TUSC3: variants seen among roughly 807,000 people sequenced by gnomAD.
The protein encoded by TUSC3 is dolichyl-diphosphooligosaccharide--protein glycosyltransferase subunit TUSC3.
TUSC3 carries 45 observed loss-of-function variants against 44.8 expected under a neutral mutation model. The observed-to-expected ratio is 1.00, with a 90% CI of 0.79 to 1.29. TUSC3 has a LOEUF of 1.29. Among genes scored for constraint, TUSC3 ranks in the 50% most tolerant of loss-of-function variants. The pLI is 0.00. For missense variants in TUSC3, 519 were observed against 437.9 expected (o/e 1.19, Z -1.65); for synonymous variants, 212 against 152.9 (o/e 1.39, Z -2.85).
intron 1 of TUSC3, among the ~76,000 whole-genome samples, chr8:15,420,188 A>G (rs1055024475): frequency 6.6e-6 from 1 of 152,102 alleles, no homozygotes. Context: ...GCTTTTATAA[A>G]GGTCACATTA....
At chr8:15,518,432 C>G (rs890397717) in intron 2 of TUSC3, among the ~76,000 whole-genome samples, 11 of 152,102 alleles carry the variant, frequency 7.2e-5, no homozygotes, top group Middle Eastern at 3.4e-3. Flanking sequence ...GTTATCAAGG[C>G]CTTCTCAAAT....
At chr8:15,725,904 C>T (rs1198438593) in intron 6 of TUSC3, among the ~76,000 whole-genome samples, 3 of 152,082 alleles carry the variant, frequency 2.0e-5, no homozygotes, top group Non-Finnish European at 4.4e-5. Context: ...GCCCAAATTA[C>T]TGAACTGATT....
chr8:15,438,383 A>G (rs140036073), intron 1 of TUSC3, among the ~76,000 whole-genome samples: 80 of 152,344 alleles, frequency 5.3e-4, no homozygotes, highest in African/African-American at 1.9e-3. Context: ...GGCGTGAGCC[A>G]CCGCGCCCAG....
chr8:15,441,280 G>A (rs1022925870), intron 1 of TUSC3, among the ~76,000 whole-genome samples: 1 of 152,092 alleles, frequency 6.6e-6, no homozygotes, highest in African/African-American at 2.4e-5. Context: ...GGTGGCACGT[G>A]GCTGTAATCC....
At chr8:15,679,619 T>C (rs920084230) in intron 6 of TUSC3, among the ~76,000 whole-genome samples, 8 of 152,178 alleles carry the variant, frequency 5.3e-5, no homozygotes, top group Non-Finnish European at 1.0e-4. Flanking sequence ...TTGTCAATTT[T>C]TGTTTTATTT....
intron 1 of TUSC3, among the ~76,000 whole-genome samples, chr8:15,592,363 C>T (rs1017370788): frequency 1.3e-5 from 2 of 152,042 alleles, no homozygotes; most frequent in African/African-American, 2.4e-5. Context: ...GATATTTGTC[C>T]GCTCCAAATC....
chr8:15,443,848 C>T (rs899457970), intron 1 of TUSC3, among the ~76,000 whole-genome samples: 1 of 152,152 alleles, frequency 6.6e-6, no homozygotes, highest in Admixed American at 6.5e-5. Flanking sequence ...TGGCACCACC[C>T]AGACGGATAA....
At chr8:15,503,354 G>A (rs1366280415) in intron 2 of TUSC3, among the ~76,000 whole-genome samples, 11 of 152,028 alleles carry the variant, frequency 7.2e-5, no homozygotes, top group Admixed American at 6.6e-4. Flanking sequence ...ATAAATTCTT[G>A]TTTGAGCCAC....
intron 6 of TUSC3, among the ~76,000 whole-genome samples, chr8:15,683,989 G>A (rs1808522073): frequency 1.3e-5 from 2 of 152,082 alleles, no homozygotes; most frequent in African/African-American, 4.8e-5. Context: ...TTGTTTGGTG[G>A]TGTAATTCAG....
chr8:15,618,493 A>G (rs1040524970), intron 1 of TUSC3, among the ~76,000 whole-genome samples: 5 of 152,178 alleles, frequency 3.3e-5, no homozygotes, highest in African/African-American at 1.2e-4. Flanking sequence ...GGTCAGGATT[A>G]TCAATATCAC....
intron 1 of TUSC3, among the ~76,000 whole-genome samples, chr8:15,603,088 G>A (rs1187393160): frequency 6.6e-6 from 1 of 151,454 alleles, no homozygotes; most frequent in East Asian, 1.9e-4. Flanking sequence ...GATATGTCAA[G>A]TCCTAGACAG....
chr8:15,664,571 C>G (rs1363757913), intron 5 of TUSC3, among the ~76,000 whole-genome samples: 1 of 149,252 alleles, frequency 6.7e-6, no homozygotes, highest in African/African-American at 2.4e-5. Context: ...TGCCTGCTCC[C>G]CAATCACAGC....
intron 1 of TUSC3, among the ~76,000 whole-genome samples, chr8:15,545,749 A>C (rs1218357782): frequency 1.3e-5 from 2 of 151,584 alleles, no homozygotes; most frequent in Non-Finnish European, 2.9e-5. Flanking sequence ...CTAAAGAGTA[A>C]TCAACTCTTA....
intron 1 of TUSC3, among the ~76,000 whole-genome samples, chr8:15,547,811 C>T (rs1401352769): frequency 6.6e-6 from 1 of 151,404 alleles, no homozygotes; most frequent in Non-Finnish European, 1.5e-5. Context: ...ATTATGGGTA[C>T]TTGAGTTCTC....
intron 6 of TUSC3, among the ~76,000 whole-genome samples, chr8:15,687,278 G>A (rs1234282546): frequency 6.6e-6 from 1 of 151,928 alleles, no homozygotes; most frequent in Non-Finnish European, 1.5e-5. Context: ...TCATCTAGTG[G>A]GGATACATAA....
chr8:15,802,710 T>A, the TUSC3 span, among the ~76,000 whole-genome samples: 4 of 151,942 alleles, frequency 2.6e-5, no homozygotes, highest in Non-Finnish European at 5.9e-5. Flanking sequence ...GGTCATATAG[T>A]CCATCTGTGA....
intron 10 of TUSC3, among the ~76,000 whole-genome samples, chr8:15,760,801 G>A (rs767381877): frequency 1.3e-5 from 2 of 152,084 alleles, no homozygotes; most frequent in South Asian, 2.1e-4. Flanking sequence ...GCTAACTCCC[G>A]GTTTAGCCAT....
intron 3 of TUSC3, among the ~76,000 whole-genome samples, chr8:15,651,911 G>A (rs1806926127): frequency 6.6e-6 from 1 of 152,154 alleles, no homozygotes; most frequent in African/African-American, 2.4e-5. Context: ...TTCAACTTAT[G>A]TATTATTTCA....
At chr8:15,501,800 G>C (rs1319650427) in intron 2 of TUSC3, among the ~76,000 whole-genome samples, 1 of 152,144 alleles carries the variant, frequency 6.6e-6, no homozygotes, top group Non-Finnish European at 1.5e-5. Flanking sequence ...TTTGTTTTCA[G>C]TGCTCTTTCA....
Sources: gnomAD v4.1 joint callset for allele counts (sites outside exome capture counted in the v4.1 genomes callset) on GRCh38, gnomAD v4.1.1 for gene constraint, MANE v1.5 for transcripts, NCBI Gene and HGNC (gene_info 2026-07-23, HGNC 2026-07-21) for gene names.